Variants in LPA observed in about 807,000 individuals in gnomAD.
LPA encodes the protein lipoprotein(a).
LPA carries 199 observed loss-of-function variants against 197.9 expected under a neutral mutation model. The ratio of observed to expected loss-of-function variants is 1.01; its 90% CI spans 0.90 to 1.13. LPA has a LOEUF of 1.13. Ranked by LOEUF, LPA falls within the 50% of genes most tolerant of loss-of-function variation. LPA has a pLI of 0.00. For synonymous variants in LPA, 715 were observed against 639.5 expected (o/e 1.12, Z -1.78); for missense variants, 1,853 against 1,785.8 (o/e 1.04, Z -0.68).
chr6:160,580,216 C>T (rs1778766482), intron 26 of LPA, among the ~76,000 whole-genome samples: 1 of 152,068 alleles, frequency 6.6e-6, no homozygotes, highest in Admixed American at 6.5e-5. Flanking sequence ...TAACTTGTTC[C>T]TTGTTGATGA....
chr6:160,562,709 G>A (rs1052037460), intron 28 of LPA, among the ~76,000 whole-genome samples: 2 of 152,016 alleles, frequency 1.3e-5, no homozygotes, highest in Non-Finnish European at 2.9e-5. Flanking sequence ...GGCTTTTTTT[G>A]GTTGGTAAGC....
chr6:160,606,810 T>G, intron 16 of LPA, 152 bp from the exon 17 acceptor site: 5 of 1,180,258 alleles, frequency 4.2e-6, no homozygotes. Flanking sequence ...CACAAATGGC[T>G]CTCAATCACT....
intron 16 of LPA, among the ~76,000 whole-genome samples, chr6:160,610,581 G>C (rs1470840925): frequency 1.3e-5 from 2 of 152,118 alleles, no homozygotes; most frequent in Admixed American, 1.3e-4. Flanking sequence ...CATTTTCTGT[G>C]CACATGCAGT....
In LPA at chr6:160,531,746, T is replaced by C. The variant is rs747925824; in HGVS notation, c.6106A>G (p.Met2036Val). The C allele has an allele frequency of 2.5e-6, 4 of 1,613,956 alleles. No homozygotes were observed. The highest frequency in any genetic ancestry group is 8.5e-7 in the Non-Finnish European group (1 of 1,179,972). ...CCGTCCAATTAATTATTTCTCATCA[T>C]TCCCTCAATCCAAGTAACAAACCTT... ...VSRFVTWIEG[M>V]MRNN Residue 2036 changes from methionine to valine, a missense_variant, in exon 39 of 39, where the codon ATG (methionine) becomes GTG (valine). By Grantham distance (21) the Met-to-Val change is conservative. This residue lies in a region of LPA where 1,737 missense variants were observed against 1,504.4 expected (regional missense o/e 1.15). Coordinates refer to ENST00000316300, the MANE Select transcript of LPA (RefSeq NM_005577.4).
intron 28 of LPA, among the ~76,000 whole-genome samples, chr6:160,559,716 G>A (rs576851949): frequency 4.6e-5 from 7 of 152,270 alleles, no homozygotes; most frequent in Admixed American, 2.6e-4. Flanking sequence ...TTAAGTTTAT[G>A]TGAGTCCTTA....
intron 28 of LPA, among the ~76,000 whole-genome samples, chr6:160,568,752 C>A (rs980978633): frequency 5.9e-5 from 9 of 152,166 alleles, no homozygotes; most frequent in African/African-American, 1.7e-4. Flanking sequence ...CTTCTCAGAC[C>A]AAAATCTCCT....
intron 31 of LPA, 59 bp from the exon 32 acceptor site, chr6:160,547,996 C>T (rs1778103086): frequency 6.4e-7 from 1 of 1,566,948 alleles, no homozygotes; most frequent in Admixed American, 1.7e-5. Flanking sequence ...GCCACATAGA[C>T]CCAGGACGAT....
chr6:160,605,719 G>A (rs1453304179), intron 17 of LPA, among the ~76,000 whole-genome samples: 1 of 152,192 alleles, frequency 6.6e-6, no homozygotes, highest in Non-Finnish European at 1.5e-5. Flanking sequence ...AGAGACAACA[G>A]TCCTTCGTCT....
chr6:160,584,278 CT>C (rs1291492614), intron 26 of LPA, among the ~76,000 whole-genome samples: 2 of 148,498 alleles, frequency 1.3e-5, no homozygotes, highest in African/African-American at 5.0e-5. Flanking sequence ...TCCTCTTCTT[CT>C]TCTTCTTCTT....
intron 1 of LPA, among the ~76,000 whole-genome samples, chr6:160,650,725 A>G (rs563436038): frequency 2.3e-4 from 35 of 152,336 alleles, no homozygotes; most frequent in African/African-American, 8.2e-4. Context: ...GGAAGTTAAC[A>G]TATCAGAATT....
intron 37 of LPA, among the ~76,000 whole-genome samples, chr6:160,535,341 GTGATGT>G: frequency 6.8e-6 from 1 of 147,272 alleles, no homozygotes; most frequent in African/African-American, 2.5e-5. Flanking sequence ...TGTGGTGATG[GTGATGT>G]TGGTAGTAGC....
chr6:160,551,907 CAT>C (rs1439835974), intron 30 of LPA, among the ~76,000 whole-genome samples: 1 of 147,280 alleles, frequency 6.8e-6, no homozygotes, highest in East Asian at 2.0e-4. Flanking sequence ...GCCAATAACA[CAT>C]ATCCTTTTTT....
At chr6:160,604,494 C>A (rs1348165376) in intron 18 of LPA, among the ~76,000 whole-genome samples, 1 of 152,168 alleles carries the variant, frequency 6.6e-6, no homozygotes, top group Non-Finnish European at 1.5e-5. Context: ...TCTTTGCTGA[C>A]TCTCATCTGC....
intron 20 of LPA, among the ~76,000 whole-genome samples, 166 bp downstream of exon 20, chr6:160,599,330 AAGAC>A (rs1448426431): frequency 1.3e-4 from 20 of 152,168 alleles, no homozygotes; most frequent in Admixed American, 7.2e-4. Context: ...GCAACAAAGC[AAGAC>A]TCTGTCTCAA....
intron 28 of LPA, among the ~76,000 whole-genome samples, chr6:160,575,747 C>T (rs1374618665): frequency 1.3e-5 from 2 of 152,182 alleles, no homozygotes; most frequent in Non-Finnish European, 2.9e-5. Flanking sequence ...CCATTGAACT[C>T]ATTGTTCCCT....
At chr6:160,578,427 C>T (rs914392880) in intron 27 of LPA, 96 bp downstream of exon 27, 5 of 1,496,140 alleles carry the variant, frequency 3.3e-6, no homozygotes, top group Admixed American at 1.7e-5. Flanking sequence ...AGACCCTCAA[C>T]CAACCCTCCA....
chr6:160,601,225 C>T, intron 18 of LPA, 127 bp from the exon 19 acceptor site: 1 of 780,900 alleles, frequency 1.3e-6, no homozygotes, highest in Non-Finnish European at 2.2e-6. Context: ...CATACAATTG[C>T]CACAATGACA....
In LPA at chr6:160,599,684, A is replaced by G. The variant is rs185314017; in HGVS notation, c.3128-25T>C. 6.2e-6 allele frequency: 10 copies of G among 1,613,674 alleles called. No individual in the cohort carries two copies. The East Asian group carries it at 2.0e-4, about 32-fold the overall frequency. ...GCTGAAATTAAAACAGAAGACATCA[A>G]GCTTATTATTTCCTAGAACAGAAAA... On this transcript the variant is annotated intron_variant, in intron 19 of 38. Transcript: ENST00000316300.
intron 30 of LPA, among the ~76,000 whole-genome samples, chr6:160,553,563 A>G (rs1583574102): frequency 1.3e-5 from 2 of 152,170 alleles, no homozygotes; most frequent in East Asian, 3.8e-4. Context: ...AGGAGAAGGC[A>G]TCGGTCACTT....
Sources: allele counts gnomAD v4.1 joint callset (sites outside exome capture counted in the v4.1 genomes callset), GRCh38; gene constraint gnomAD v4.1.1; regional missense constraint gnomAD v4.1.1; transcripts MANE v1.5; gene names NCBI Gene and HGNC (gene_info 2026-07-23, HGNC 2026-07-21).